Variants in FIRRM observed in about 807,000 individuals in gnomAD.
FIRRM encodes the protein FIGNL1 interacting regulator of recombination and mitosis.
chr1:169,834,931 T>C, the FIRRM span, among the ~76,000 whole-genome samples: 1 of 152,186 alleles, frequency 6.6e-6, no homozygotes, highest in Non-Finnish European at 1.5e-5. Flanking sequence ...TGGGTGTTTG[T>C]AGCTGAGACA....
the FIRRM span, among the ~76,000 whole-genome samples, chr1:169,815,554 G>C: frequency 1.3e-5 from 2 of 152,148 alleles, 1 homozygote; most frequent in Admixed American, 1.3e-4. Context: ...CTTTTATCAT[G>C]CTAATGCATT....
chr1:169,840,511 CTTTTT>C, the FIRRM span, among the ~76,000 whole-genome samples: 1 of 141,594 alleles, frequency 7.1e-6, no homozygotes, highest in Non-Finnish European at 1.5e-5. Context: ...TTTCTTTTTT[CTTTTT>C]TTTTTTTTTG....
At chr1:169,812,162 A>G in the FIRRM span, among the ~76,000 whole-genome samples, 1 of 152,232 alleles carries the variant, frequency 6.6e-6, no homozygotes, top group Non-Finnish European at 1.5e-5. Context: ...TTAGTAATGA[A>G]GTAAAGCTAG....
chr1:169,829,724 AAAAGT>A, the FIRRM span, among the ~76,000 whole-genome samples: 1 of 152,226 alleles, frequency 6.6e-6, no homozygotes. Flanking sequence ...GTTTCAAAAG[AAAAGT>A]AAATAGCTTG....
the FIRRM span, chr1:169,805,943 A>G: frequency 2.2e-6 from 2 of 913,880 alleles, no homozygotes; most frequent in Non-Finnish European, 1.7e-6. Context: ...TTTTAATTAT[A>G]GGAGAAACTC....
chr1:169,838,852 A>G, the FIRRM span, among the ~76,000 whole-genome samples: 1 of 152,090 alleles, frequency 6.6e-6, no homozygotes, highest in Non-Finnish European at 1.5e-5. Context: ...TTATTGCGTG[A>G]TGCTGAGGTT....
the FIRRM span, chr1:169,794,877 C>T: frequency 1.8e-6 from 1 of 543,342 alleles, no homozygotes; most frequent in Non-Finnish European, 3.3e-6. Flanking sequence ...CACCTCACAA[C>T]GCCTCCTCCG....
the FIRRM span, among the ~76,000 whole-genome samples, chr1:169,816,655 T>A: frequency 6.6e-6 from 1 of 152,216 alleles, no homozygotes; most frequent in Non-Finnish European, 1.5e-5. Flanking sequence ...TCCTTTCCTC[T>A]TGAGGTCCCA....
At chr1:169,826,362 A>ATTTT in the FIRRM span, among the ~76,000 whole-genome samples, 2 of 129,874 alleles carry the variant, frequency 1.5e-5, no homozygotes, top group Admixed American at 7.8e-5. Context: ...CACACCCGGC[A>ATTTT]TTTTTTTTTT....
the FIRRM span, among the ~76,000 whole-genome samples, chr1:169,819,997 A>G: frequency 6.6e-6 from 1 of 152,204 alleles, no homozygotes; most frequent in Non-Finnish European, 1.5e-5. Flanking sequence ...TTGAGCTTGC[A>G]AAGGCTCAAG....
At chr1:169,815,348 C>T in the FIRRM span, among the ~76,000 whole-genome samples, 1 of 151,540 alleles carries the variant, frequency 6.6e-6, no homozygotes, top group Non-Finnish European at 1.5e-5. Flanking sequence ...GGTGGAGCAA[C>T]CCCTAAGTCT....
the FIRRM span, chr1:169,821,881 A>C: frequency 1.8e-6 from 1 of 548,176 alleles, no homozygotes. Context: ...CAAGTCACAT[A>C]TCTAGAAACC....
At chr1:169,840,761 C>T in the FIRRM span, among the ~76,000 whole-genome samples, 15 of 152,204 alleles carry the variant, frequency 9.9e-5, no homozygotes, top group African/African-American at 2.4e-4. Flanking sequence ...CCACCCACCT[C>T]GGCCTCCCAA....
At chr1:169,851,992 T>TAAA in the FIRRM span, 1 of 1,612,552 alleles carries the variant, frequency 6.2e-7, no homozygotes, top group South Asian at 1.1e-5. Context: ...CTGCCCTTTT[T>TAAA]ACTTACTGAC....
chr1:169,850,453 GTGCTGAGCACA>G, the FIRRM span: 3 of 750,588 alleles, frequency 4.0e-6, no homozygotes, highest in Non-Finnish European at 6.7e-6. Flanking sequence ...ACTTTTCACA[GTGCTGAGCACA>G]GTGCTGACGA....
chr1:169,843,977 TTC>T, the FIRRM span, among the ~76,000 whole-genome samples: 11 of 152,232 alleles, frequency 7.2e-5, no homozygotes, highest in African/African-American at 2.7e-4. Flanking sequence ...TTATCTGTTC[TTC>T]TCTGTCACCC....
the FIRRM span, among the ~76,000 whole-genome samples, chr1:169,789,506 G>T: frequency 1.3e-5 from 2 of 152,204 alleles, no homozygotes; most frequent in Non-Finnish European, 2.9e-5. Flanking sequence ...TGTGGGACAT[G>T]AAAACTGGAA....
the FIRRM span, among the ~76,000 whole-genome samples, chr1:169,810,834 A>AATTTTTTT: frequency 3.3e-5 from 2 of 61,208 alleles, no homozygotes; most frequent in East Asian, 1.1e-3. Context: ...TTAGCCCCCA[A>AATTTTTTT]TTTTTTTTTT....
the FIRRM span, among the ~76,000 whole-genome samples, chr1:169,809,544 T>C: frequency 4.1e-4 from 62 of 152,196 alleles, 1 homozygote. Context: ...TAAACAACAG[T>C]ATAGTCTATA....
Sources: gnomAD v4.1 joint callset for allele counts (sites outside exome capture counted in the v4.1 genomes callset) on GRCh38, gnomAD v4.1.1 for gene constraint, MANE v1.5 for transcripts, NCBI Gene and HGNC (gene_info 2026-07-23, HGNC 2026-07-21) for gene names.